The following ZBTB40 variants were observed in gnomAD, a reference collection of about 807,000 sequenced individuals.
The protein encoded by ZBTB40 is zinc finger and BTB domain-containing protein 40.
Under a neutral mutation model 117.5 loss-of-function variants are expected in ZBTB40, and 60 were observed. The ratio of observed to expected loss-of-function variants is 0.51; its 90% CI spans 0.41 to 0.63. The LOEUF (loss-of-function observed/expected upper bound fraction) is 0.63. Among genes scored for constraint, ZBTB40 ranks in the 30% least tolerant of loss-of-function variants. The pLI, the probability that ZBTB40 is intolerant of heterozygous loss-of-function variation, is 0.00. For missense variants in ZBTB40, 1,287 were observed against 1,498.5 expected, an observed-to-expected ratio of 0.86 and a Z score of 2.33; for synonymous variants, 525 against 577.1, an observed-to-expected ratio of 0.91 and a Z score of 1.29.
intron 1 of ZBTB40, among the ~76,000 whole-genome samples, chr1:22,431,603 G>T (rs1388070511): frequency 6.6e-6 from 1 of 151,744 alleles, no homozygotes; most frequent in African/African-American, 2.4e-5. Context: ...GGGCATGGTG[G>T]CAGGCACCTG....
At chr1:22,518,563 A>G (rs1402873428) in intron 13 of ZBTB40, among the ~76,000 whole-genome samples, 1 of 151,896 alleles carries the variant, frequency 6.6e-6, no homozygotes, top group Non-Finnish European at 1.5e-5. Flanking sequence ...CTCTTCCCAC[A>G]CACCAGTTTC....
At chr1:22,446,190 C>T (rs758593586) in intron 1 of ZBTB40, among the ~76,000 whole-genome samples, 31 of 146,460 alleles carry the variant, frequency 2.1e-4, no homozygotes, top group Non-Finnish European at 3.3e-4. Flanking sequence ...AATCTCTGAG[C>T]TTAAGGATAT....
upstream of ZBTB40, among the ~76,000 whole-genome samples, chr1:22,446,917 A>G (rs1234997970): frequency 3.3e-5 from 5 of 152,100 alleles, no homozygotes; most frequent in Non-Finnish European, 4.4e-5. Context: ...AGCCTGGGCA[A>G]CATGGCAAAA....
chr1:22,441,205 G>A (rs1640727547), intron 1 of ZBTB40, among the ~76,000 whole-genome samples: 1 of 151,982 alleles, frequency 6.6e-6, no homozygotes, highest in African/African-American at 2.4e-5. Flanking sequence ...TTTCATCTTG[G>A]TAGGTTTTGT....
intron 1 of ZBTB40, among the ~76,000 whole-genome samples, chr1:22,453,239 C>G (rs1174614699): frequency 6.6e-6 from 1 of 152,226 alleles, no homozygotes; most frequent in Non-Finnish European, 1.5e-5. Context: ...TTCTGCCCCT[C>G]CTTTCTAATA....
chr1:22,466,423 T>C (rs185777196), intron 1 of ZBTB40, among the ~76,000 whole-genome samples: 3 of 152,336 alleles, frequency 2.0e-5, no homozygotes, highest in South Asian at 2.1e-4. Context: ...CTGGGTCATA[T>C]GGTGTCTCTG....
chr1:22,508,832 C>A, intron 8 of ZBTB40, 101 bp downstream of exon 8: 2 of 1,273,950 alleles, frequency 1.6e-6, no homozygotes, highest in Non-Finnish European at 2.2e-6. Context: ...TCACCTACAT[C>A]CCTACTATTA....
At position 22,508,782 on chromosome 1, in the gene ZBTB40, C is replaced by G. The variant is rs750414417; in HGVS notation, c.1699+51C>G. ...TTTTGCCCCCACTAGAGATGACTGT[C>G]AGTCTTCCTAGAAAATAGGAAGAGC... On this transcript the variant is annotated intron_variant, in intron 8 of 17. Transcript: ENST00000375647. 5.1e-6 allele frequency: 8 copies of G among 1,564,792 alleles called. No individual in the cohort carries two copies. The African/African-American group carries it at 1.1e-4, about 21-fold the overall frequency.
At chr1:22,525,724 CTG>C (rs917441786) in intron 17 of ZBTB40, among the ~76,000 whole-genome samples, 6 of 152,250 alleles carry the variant, frequency 3.9e-5, no homozygotes, top group Non-Finnish European at 5.9e-5. Context: ...AGCTCGGTCA[CTG>C]TGTGGCCTCC....
At chr1:22,438,872 T>G (rs1446891914) in intron 1 of ZBTB40, among the ~76,000 whole-genome samples, 1 of 152,108 alleles carries the variant, frequency 6.6e-6, no homozygotes, top group Non-Finnish European at 1.5e-5. Context: ...TATTTATTTA[T>G]TTATTTATTT....
chr1:22,529,660 G>C lies in ZBTB40; in HGVS notation c.*3264G>C, dbSNP rs1431293010. On this transcript the variant is annotated 3_prime_UTR_variant, in exon 18 of 18. Coordinates refer to ENST00000375647, the MANE Select transcript of ZBTB40 (RefSeq NM_014870.4). ...ATGGGTAAAGAGACATGAAGAGACA[G>C]CCTCTCTCTTCTGTCTCAGAAGCTC... The C allele has an allele frequency of 2.0e-5, 3 of 152,376 alleles. No individual in the cohort carries two copies. Among genetic ancestry groups the C allele is most frequent in the African/African-American group, 7.2e-5 (3 of 41,552 alleles). The allele number at this position is 152,376 out of a possible 1,614,324, so 9.4% of individuals were successfully genotyped here.
chr1:22,463,850 A>G (rs1264482231), intron 1 of ZBTB40, among the ~76,000 whole-genome samples: 1 of 152,242 alleles, frequency 6.6e-6, no homozygotes, highest in African/African-American at 2.4e-5. Context: ...GAACACCTCA[A>G]AAGAAGTTTC....
At position 22,514,041 on chromosome 1, in the gene ZBTB40, G is replaced by A. The variant is rs573884235; in HGVS notation, c.2668+911G>A. 7.9e-5 allele frequency among the ~76,000 whole-genome samples: 12 copies of A among 152,332 alleles called. No individual in the cohort carries two copies. In the South Asian group the frequency reaches 2.1e-3, roughly 26 times the overall value. On this transcript the variant is annotated intron_variant, in intron 12 of 17. Transcript: ENST00000375647. ...TGTGCCCATAGCTTGTGGCCTGAAG[G>A]GGGCAGGGAGAGGGGAGTGTAGCGC...
chr1:22,451,345 G>A (rs1327875798), upstream of ZBTB40, among the ~76,000 whole-genome samples: 2 of 152,218 alleles, frequency 1.3e-5, no homozygotes, highest in Non-Finnish European at 1.5e-5. Context: ...AGCTGCCGGA[G>A]CGAGACTGCG....
At chr1:22,434,659 C>A (rs541137113) in intron 1 of ZBTB40, among the ~76,000 whole-genome samples, 2 of 152,242 alleles carry the variant, frequency 1.3e-5, no homozygotes, top group South Asian at 2.1e-4. Context: ...TTATCCCCAA[C>A]TTTTAATTAT....
chr1:22,456,597 C>T (rs146407625), intron 1 of ZBTB40, among the ~76,000 whole-genome samples: 1 of 152,304 alleles, frequency 6.6e-6, no homozygotes, highest in Non-Finnish European at 1.5e-5. Flanking sequence ...TCACATGTAA[C>T]ATCACCTAAC....
At chr1:22,520,034 C>G (rs922554048) in intron 13 of ZBTB40, 27 bp from the exon 14 acceptor site, 1 of 1,607,514 alleles carries the variant, frequency 6.2e-7, no homozygotes, top group African/African-American at 1.3e-5. Flanking sequence ...TCCACCTCTT[C>G]CTCTCATGGA....
chr1:22,521,135 C>G (rs1273279407), intron 14 of ZBTB40, among the ~76,000 whole-genome samples: 1 of 152,232 alleles, frequency 6.6e-6, no homozygotes, highest in African/African-American at 2.4e-5. Context: ...AAGGCCTGGG[C>G]CTGAATCCTG....
At chr1:22,519,407 T>C (rs1197211297) in intron 13 of ZBTB40, among the ~76,000 whole-genome samples, 2 of 152,238 alleles carry the variant, frequency 1.3e-5, no homozygotes, top group African/African-American at 4.8e-5. Context: ...AGTTCAGCCA[T>C]TTCTTAATTA....
Sources: allele counts gnomAD v4.1 joint callset (sites outside exome capture counted in the v4.1 genomes callset), GRCh38; gene constraint gnomAD v4.1.1; transcripts MANE v1.5; gene names NCBI Gene and HGNC (gene_info 2026-07-23, HGNC 2026-07-21).